TRPC6: variants seen among roughly 807,000 people sequenced by gnomAD.
TRPC6 encodes the protein short transient receptor potential channel 6.
Under a neutral mutation model 90.7 loss-of-function variants are expected in TRPC6, and 55 were observed. The ratio of observed to expected loss-of-function variants is 0.61; its 90% confidence interval spans 0.49 to 0.76. The LOEUF (loss-of-function observed/expected upper bound fraction) is 0.76. Among genes scored for constraint, TRPC6 ranks in the 30% least tolerant of loss-of-function variants. TRPC6 has a pLI of 0.00. For missense variants in TRPC6, 989 were observed against 1,122.7 expected (o/e 0.88, Z 1.70); for synonymous variants, 393 against 393.0 (o/e 1.00, Z 0.00).
At chr11:101,491,041 C>G (rs1448053076) in intron 3 of TRPC6, among the ~76,000 whole-genome samples, 2 of 152,160 alleles carry the variant, frequency 1.3e-5, no homozygotes, top group Non-Finnish European at 2.9e-5. Context: ...CTGTAAGATT[C>G]TATATAAATA....
chr11:101,510,017 A>G (rs935014089), intron 1 of TRPC6, among the ~76,000 whole-genome samples: 17 of 152,156 alleles, frequency 1.1e-4, no homozygotes, highest in African/African-American at 3.9e-4. Context: ...TGCAGGCCCA[A>G]TGGATTCAGC....
intron 1 of TRPC6, among the ~76,000 whole-genome samples, chr11:101,511,018 GT>G (rs1198520633): frequency 2.6e-5 from 4 of 152,172 alleles, no homozygotes; most frequent in Non-Finnish European, 4.4e-5. Flanking sequence ...ATTCCAGGCA[GT>G]GTAGTCAGCC....
chr11:101,536,735 G>C (rs998050667), intron 1 of TRPC6, among the ~76,000 whole-genome samples: 1 of 152,146 alleles, frequency 6.6e-6, no homozygotes, highest in Admixed American at 6.5e-5. Context: ...TTAGTCAGGG[G>C]CGAGAGCATT....
rs71784172 is a variant in TRPC6 at position 101,452,245 on chromosome 11, T to TAAAC, written c.*709_*710insGTTT. The TAAAC allele has an allele frequency of 0.018, 4 of 220 alleles. No homozygotes were observed. The highest frequency in any genetic ancestry group is 0.05 in the African/African-American group (4 of 80). The allele number at this position is 220 out of a possible 1,614,324, so 0.0% of individuals were successfully genotyped here. A position where few individuals can be genotyped will look rare whatever the true frequency, so the allele number is the denominator to read the frequency against. On this transcript the variant is annotated 3_prime_UTR_variant, in exon 13 of 13. Coordinates refer to ENST00000344327, the MANE Select transcript of TRPC6 (RefSeq NM_004621.6). ...TTGTGTGTCCACATTAGCCACAAACTAGGGCAAGTACTTTATGTCTGTGTG... is the reference window on the plus strand; with the variant it reads ...TTGTGTGTCCACATTAGCCACAAACTAAACAGGGCAAGTACTTTATGTCTGTGTG...
intron 10 of TRPC6, among the ~76,000 whole-genome samples, chr11:101,466,683 C>G (rs1462916173): frequency 6.6e-6 from 1 of 152,214 alleles, no homozygotes; most frequent in Non-Finnish European, 1.5e-5. Flanking sequence ...ACTTGTCTCC[C>G]TGGCTTCAGC....
intron 2 of TRPC6, among the ~76,000 whole-genome samples, chr11:101,502,963 A>ACAGAG (rs10656416): frequency 0.23 from 30,376 of 134,698 alleles, 3,268 homozygotes; most frequent in African/African-American, 0.3. Context: ...TTCTCTCAGC[A>ACAGAG]TATAGAAAAA....
intron 1 of TRPC6, among the ~76,000 whole-genome samples, chr11:101,508,068 C>G (rs1274442178): frequency 6.6e-6 from 1 of 151,714 alleles, no homozygotes; most frequent in African/African-American, 2.4e-5. Context: ...TCAAAAACAC[C>G]CTTTATTTTC....
At chr11:101,455,297 C>A (rs1858858256) in intron 10 of TRPC6, 196 bp from the exon 11 acceptor site, 2 of 536,954 alleles carry the variant, frequency 3.7e-6, no homozygotes, top group South Asian at 4.2e-5. Flanking sequence ...TTGTTAATGG[C>A]TGTTTGTTAG....
intron 9 of TRPC6, among the ~76,000 whole-genome samples, chr11:101,470,619 A>G (rs150735522): frequency 6.6e-4 from 100 of 152,274 alleles, no homozygotes; most frequent in Middle Eastern, 3.4e-3. Flanking sequence ...GCCTCATCTA[A>G]GCACTAAATC....
At position 101,453,837 on chromosome 11, in the gene TRPC6, G is replaced by A. The variant is rs901464082; in HGVS notation, c.2569-112C>T. On this transcript the variant is annotated intron_variant, in intron 11 of 12. Transcript: ENST00000344327. ...CTGTAGTGAGCCCTTTGGAAGTGAT[G>A]GCTGTCAAGGACTAAGATGATTCAG... 39 of 966,594 alleles carry A rather than the reference G, an allele frequency of 4.0e-5. No individual in the cohort carries two copies. The African/African-American group carries it at 5.7e-4, about 14-fold the overall frequency. The allele number at this position is 966,594 out of a possible 1,614,324, so 59.9% of individuals were successfully genotyped here.
At chr11:101,513,160 G>A (rs1860436640) in intron 1 of TRPC6, among the ~76,000 whole-genome samples, 1 of 152,118 alleles carries the variant, frequency 6.6e-6, no homozygotes, top group Admixed American at 6.5e-5. Flanking sequence ...CCATCAAGGA[G>A]AGAGCCAAGG....
intron 1 of TRPC6, among the ~76,000 whole-genome samples, chr11:101,514,752 A>T (rs949386909): frequency 4.6e-5 from 7 of 152,136 alleles, no homozygotes; most frequent in African/African-American, 1.7e-4. Flanking sequence ...AAACTCGGAG[A>T]CTGGAGTGCT....
At chr11:101,500,293 C>T (rs1292740979) in intron 2 of TRPC6, among the ~76,000 whole-genome samples, 2 of 150,066 alleles carry the variant, frequency 1.3e-5, no homozygotes, top group African/African-American at 4.9e-5. Flanking sequence ...GCTGCAACCT[C>T]CGCCTCCCAG....
chr11:101,490,325 A>G (rs1859775854), intron 3 of TRPC6, among the ~76,000 whole-genome samples: 1 of 152,234 alleles, frequency 6.6e-6, no homozygotes, highest in African/African-American at 2.4e-5. Flanking sequence ...GAAATATAAC[A>G]ATGGTTCATT....
intron 1 of TRPC6, among the ~76,000 whole-genome samples, chr11:101,575,029 A>G (rs1430537180): frequency 2.0e-5 from 3 of 152,176 alleles, no homozygotes; most frequent in Non-Finnish European, 4.4e-5. Flanking sequence ...CAATCTTAAC[A>G]TGACTATCCA....
Position 101,561,809 on chromosome 11 carries a change from A to G in TRPC6, c.170+21525T>C, listed in dbSNP as rs1861721437. Among the ~76,000 whole-genome samples, 3 of 151,098 alleles carry G rather than the reference A, an allele frequency of 2.0e-5. No individual in the cohort carries two copies. The Admixed American group carries it at 2.0e-4, about 10-fold the overall frequency. ...CCCATTAAAAATATATGTAATATAG[A>G]TAGAAAGACATTAAATAATATATAT... On this transcript the variant is annotated intron_variant, in intron 1 of 12. Transcript: ENST00000344327.
chr11:101,577,076 T>C (rs1032233522), intron 1 of TRPC6, among the ~76,000 whole-genome samples: 9 of 152,220 alleles, frequency 5.9e-5, no homozygotes, highest in Middle Eastern at 3.4e-3. Flanking sequence ...CGATTACTCC[T>C]AATAGAAGGG....
At chr11:101,474,880 T>C (rs916514318) in intron 6 of TRPC6, among the ~76,000 whole-genome samples, 2 of 152,184 alleles carry the variant, frequency 1.3e-5, no homozygotes, top group African/African-American at 2.4e-5. Context: ...GATTGCTAAA[T>C]TGGGATGAAT....
At chr11:101,525,647 C>T (rs1025270223) in intron 1 of TRPC6, among the ~76,000 whole-genome samples, 1 of 152,138 alleles carries the variant, frequency 6.6e-6, no homozygotes, top group African/African-American at 2.4e-5. Flanking sequence ...TTTTGGAACT[C>T]AAAGTATTTT....
Sources: allele counts gnomAD v4.1 joint callset (sites outside exome capture counted in the v4.1 genomes callset), GRCh38; gene constraint gnomAD v4.1.1; transcripts MANE v1.5; gene names NCBI Gene and HGNC (gene_info 2026-07-23, HGNC 2026-07-21).